The following MTM1 variants were observed in gnomAD, a reference collection of about 807,000 sequenced individuals.
MTM1 encodes the protein myotubularin.
A neutral mutation model predicts 52.1 loss-of-function variants in MTM1; 9 were observed. The ratio of observed to expected loss-of-function variants is 0.17; its 90% CI spans 0.10 to 0.30. MTM1 has a LOEUF of 0.30. MTM1 is among the 10% of genes least tolerant of loss of function. MTM1 has a pLI of 1.00. For missense variants in MTM1, 277 were observed against 470.7 expected (o/e 0.59, Z 3.81); for synonymous variants, 136 against 163.8 (o/e 0.83, Z 1.29).
chrX:150,615,068 C>T (rs1170556373), intron 5 of MTM1, among the ~76,000 whole-genome samples: 2 of 111,743 alleles, frequency 1.8e-5, no homozygotes, highest in African/African-American at 6.5e-5. Context: ...AGATTTTGCC[C>T]TCTGTTAACG....
At chrX:150,573,276 ATCAG>A (rs1557411520) in intron 1 of MTM1, among the ~76,000 whole-genome samples, 1 of 112,595 alleles carries the variant, frequency 8.9e-6, no homozygotes, top group Admixed American at 9.4e-5. Context: ...AGTTCTTTGA[ATCAG>A]TCATTGTCTT....
chrX:150,655,621 A>T (rs1049967457), intron 10 of MTM1, among the ~76,000 whole-genome samples: 3 of 112,247 alleles, frequency 2.7e-5, no homozygotes, highest in Non-Finnish European at 5.6e-5. Flanking sequence ...ACATGATGCT[A>T]AGTGAAAGAA....
intron 6 of MTM1, among the ~76,000 whole-genome samples, chrX:150,622,608 C>T (rs185422649): frequency 4.7e-4 from 53 of 111,814 alleles, no homozygotes; most frequent in African/African-American, 1.5e-3. Flanking sequence ...AGGAAATCCA[C>T]GGGGGACTCA....
chrX:150,653,993 C>G (rs2040070810), intron 10 of MTM1, among the ~76,000 whole-genome samples: 1 of 111,387 alleles, frequency 9.0e-6, no homozygotes, highest in Admixed American at 9.5e-5. Context: ...ACTCAATTGG[C>G]CCAAAGCACG....
At chrX:150,642,014 T>C (rs1379120230) in intron 8 of MTM1, among the ~76,000 whole-genome samples, 4 of 111,070 alleles carry the variant, frequency 3.6e-5, no homozygotes, top group Admixed American at 9.5e-5. Flanking sequence ...CTATCTAACA[T>C]TGACAAAAAT....
chrX:150,629,264 G>A (rs1417912010), intron 6 of MTM1, among the ~76,000 whole-genome samples: 1 of 110,759 alleles, frequency 9.0e-6, no homozygotes, highest in Non-Finnish European at 1.9e-5. Context: ...TTCGCCAGTG[G>A]CCATATATTC....
chrX:150,585,641 G>A (rs1052396473), intron 1 of MTM1, among the ~76,000 whole-genome samples: 2 of 111,639 alleles, frequency 1.8e-5, no homozygotes, highest in South Asian at 3.7e-4. Flanking sequence ...ATGAGTTTTG[G>A]AATTGGCAGA....
intron 10 of MTM1, among the ~76,000 whole-genome samples, chrX:150,653,146 A>G (rs1477757345): frequency 8.9e-6 from 1 of 111,986 alleles, no homozygotes; most frequent in Non-Finnish European, 1.9e-5. Flanking sequence ...CTAGGTGGAC[A>G]CTTGTAATGA....
At chrX:150,597,321 G>A (rs1425437121) in intron 3 of MTM1, among the ~76,000 whole-genome samples, 6 of 112,036 alleles carry the variant, frequency 5.4e-5, no homozygotes, top group Non-Finnish European at 1.1e-4. Context: ...GGGCCTAAGC[G>A]AGGTACCTTT....
At chrX:150,619,163 C>G (rs782669814) in intron 6 of MTM1, 24 bp downstream of exon 6, 29 of 1,098,228 alleles carry the variant, frequency 2.6e-5, no homozygotes, top group African/African-American at 2.5e-4. Flanking sequence ...CTCTCCTCAG[C>G]GTGGGAAGGT....
chrX:150,619,103 C>T lies in MTM1; in HGVS notation c.408C>T (p.Ile136=), dbSNP rs781852283. The change falls in exon 6 of 15, where the codon ATC becomes ATT. Residue 136 remains isoleucine (I), a synonymous_variant. Transcript: ENST00000370396. ...ACAGCAGAAGAGATATGTTTGAGATCCTCACGAGATACGCGTTTCCCCTGG... is the reference window on the plus strand; with the variant it reads ...ACAGCAGAAGAGATATGTTTGAGATTCTCACGAGATACGCGTTTCCCCTGG... ...EGHSRRDMFE[I]LTRYAFPLAH... 26 of 1,209,296 alleles carry T rather than the reference C, an allele frequency of 2.2e-5. No individual in the cohort carries two copies. Among genetic ancestry groups the T allele is most frequent in the Non-Finnish European group, 2.8e-5 (25 of 893,535 alleles).
At chrX:150,565,602 G>C (rs998054983), upstream of MTM1, among the ~76,000 whole-genome samples, 8 of 110,799 alleles carry the variant, frequency 7.2e-5, no homozygotes, top group Non-Finnish European at 1.3e-4. Flanking sequence ...TTCCTCGCTC[G>C]GGCCTGCTTC....
At chrX:150,612,150 C>CA (rs1380534308) in intron 4 of MTM1, among the ~76,000 whole-genome samples, 7 of 108,155 alleles carry the variant, frequency 6.5e-5, no homozygotes, top group Non-Finnish European at 1.3e-4. Context: ...GAGATCACAC[C>CA]ACTGCACTTC....
intron 1 of MTM1, among the ~76,000 whole-genome samples, chrX:150,576,447 G>T (rs2148400333): frequency 8.9e-6 from 1 of 111,753 alleles, no homozygotes; most frequent in Admixed American, 9.5e-5. Context: ...CTAACCAGAG[G>T]TTTGTCAGTT....
chrX:150,603,420 C>G (rs1273071246), intron 4 of MTM1, among the ~76,000 whole-genome samples: 2 of 111,306 alleles, frequency 1.8e-5, no homozygotes, highest in Non-Finnish European at 3.8e-5. Context: ...GGGTTAGGGG[C>G]GGGAGAGACT....
At position 150,649,716 on chromosome X, in the gene MTM1, G is replaced by A; in HGVS notation, c.868G>A (p.Ala290Thr). The A allele has an allele frequency of 1.7e-6, 2 of 1,203,871 alleles. No individual in the cohort carries two copies. Among genetic ancestry groups the A allele is most frequent in the Non-Finnish European group, 2.2e-6 (2 of 888,999 alleles). The change falls in exon 10 of 15, where the codon GCA (alanine) becomes ACA (threonine). Residue 290 changes from alanine to threonine, a missense_variant and splice_region_variant. By Grantham distance (58) the Ala-to-Thr change is moderately conservative (BLOSUM62 0). Transcript: ENST00000370396. ...RPSVNAVANK[A>T]TGGGYESDDA... Reference sequence around the variant, plus strand: ...GTTTGTATTTCATGTTGTTTCTTAGGCAACAGGAGGAGGATATGAAAGTGA... The same window carrying A: ...GTTTGTATTTCATGTTGTTTCTTAGACAACAGGAGGAGGATATGAAAGTGA...
chrX:150,596,715 A>G (rs2038983078), intron 3 of MTM1, 145 bp downstream of exon 3: 1 of 476,354 alleles, frequency 2.1e-6, no homozygotes, highest in Non-Finnish European at 3.8e-6. Flanking sequence ...AACTCTCTGC[A>G]TCCCTTTCTT....
intron 14 of MTM1, 87 bp downstream of exon 14, chrX:150,663,696 TGAA>T: frequency 1.1e-6 from 1 of 871,579 alleles, no homozygotes; most frequent in South Asian, 2.1e-5. Flanking sequence ...TTTAACAGCA[TGAA>T]GAAAAATATC....
chrX:150,655,472 C>G (rs1380649495), intron 10 of MTM1, among the ~76,000 whole-genome samples: 1 of 111,627 alleles, frequency 9.0e-6, no homozygotes, highest in Non-Finnish European at 1.9e-5. Context: ...TCATAGTAAC[C>G]AAATGCTAGA....
Sources: gnomAD v4.1 joint callset for allele counts (sites outside exome capture counted in the v4.1 genomes callset) on GRCh38, gnomAD v4.1.1 for gene constraint, MANE v1.5 for transcripts, NCBI Gene and HGNC (gene_info 2026-07-23, HGNC 2026-07-21) for gene names.